The following MAP2 variants were observed in gnomAD, a reference collection of about 807,000 sequenced individuals.
The protein encoded by MAP2 is microtubule associated protein 2, also known as microtubule-associated protein 2.
MAP2 carries 14 observed loss-of-function variants against 137.6 expected under a neutral mutation model. The ratio of observed to expected loss-of-function variants is 0.10; its 90% CI spans 0.07 to 0.16. The LOEUF is 0.16. Ranked by LOEUF, MAP2 falls within the 10% of genes least tolerant of loss-of-function variation. MAP2 has a pLI of 1.00. For synonymous variants in MAP2, 786 were observed against 782.3 expected (o/e 1.00, Z -0.08); for missense variants, 2,088 against 2,191.5 (o/e 0.95, Z 0.94).
At chr2:209,618,170 G>A (rs1312435511) in intron 3 of MAP2, among the ~76,000 whole-genome samples, 1 of 151,974 alleles carries the variant, frequency 6.6e-6, no homozygotes, top group East Asian at 1.9e-4. Flanking sequence ...GTTAAATAAG[G>A]AGTTGAAAAA....
intron 1 of MAP2, among the ~76,000 whole-genome samples, chr2:209,441,178 T>TTGTATC (rs1697669216): frequency 6.6e-6 from 1 of 151,536 alleles, no homozygotes; most frequent in South Asian, 2.1e-4. Context: ...TTTACATTCT[T>TTGTATC]TGTAGATTAT....
chr2:209,524,833 A>G (rs559351840), intron 2 of MAP2, among the ~76,000 whole-genome samples: 1 of 152,204 alleles, frequency 6.6e-6, no homozygotes, highest in East Asian at 1.9e-4. Flanking sequence ...AAAAAAGTTA[A>G]TATCAATTTT....
At chr2:209,726,426 C>G (rs147021886) in intron 14 of MAP2, among the ~76,000 whole-genome samples, 83 of 152,212 alleles carry the variant, frequency 5.5e-4, no homozygotes, top group African/African-American at 2.0e-3. Flanking sequence ...TTATGAGTCA[C>G]TTTTTCTGAA....
At chr2:209,566,043 C>T (rs757438802) in intron 2 of MAP2, among the ~76,000 whole-genome samples, 1 of 152,206 alleles carries the variant, frequency 6.6e-6, no homozygotes, top group Non-Finnish European at 1.5e-5. Flanking sequence ...CATTCTCCCT[C>T]ACTCAGCGAC....
chr2:209,463,625 G>A (rs1384240404), intron 1 of MAP2, among the ~76,000 whole-genome samples: 1 of 152,152 alleles, frequency 6.6e-6, no homozygotes, highest in African/African-American at 2.4e-5. Flanking sequence ...AAAAATGTAT[G>A]TACTGAAAAT....
rs541880518 is a variant in MAP2 at position 209,467,795 on chromosome 2, C to A, written c.-221-39797C>A. Among the ~76,000 whole-genome samples, 20 of 152,250 alleles carry A rather than the reference C, an allele frequency of 1.3e-4. No homozygotes were observed. In the South Asian group the frequency reaches 4.2e-3, roughly 32 times the overall value. On this transcript the variant is annotated intron_variant, in intron 1 of 15. Coordinates refer to ENST00000682079, the MANE Select transcript of MAP2 (RefSeq NM_001375505.1). ...TCTCCACCACTTATTAGCCATAAGA[C>A]CATGTGCAATTTCTTAACATCCGTT...
chr2:209,579,376 G>A (rs974397365), intron 2 of MAP2: 1 of 152,142 alleles, frequency 6.6e-6, no homozygotes, highest in Admixed American at 6.6e-5. Context: ...CACTTGGATG[G>A]AGGCAATTAA....
chr2:209,473,689 T>C (rs896557976), intron 1 of MAP2, among the ~76,000 whole-genome samples: 2 of 152,050 alleles, frequency 1.3e-5, no homozygotes, highest in African/African-American at 4.8e-5. Context: ...ACAGGAATTA[T>C]TAATAGAGAT....
intron 3 of MAP2, among the ~76,000 whole-genome samples, chr2:209,613,287 C>A (rs1467236869): frequency 2.0e-5 from 3 of 151,062 alleles, no homozygotes; most frequent in African/African-American, 4.9e-5. Context: ...TTATTTTAAT[C>A]TGTTTTCTAT....
intron 3 of MAP2, among the ~76,000 whole-genome samples, chr2:209,593,635 AT>A (rs1414816418): frequency 0.048 from 1,144 of 23,940 alleles, 179 homozygotes; most frequent in African/African-American, 0.11. Flanking sequence ...AAAAAAAAAA[AT>A]ATATATATAT....
At chr2:209,713,870 A>C (rs1324649868) in intron 13 of MAP2, among the ~76,000 whole-genome samples, 3 of 152,166 alleles carry the variant, frequency 2.0e-5, no homozygotes, top group Non-Finnish European at 4.4e-5. Context: ...GTTTTTCTCC[A>C]TTGGCTTTAT....
At chr2:209,497,809 G>A (rs965159262) in intron 1 of MAP2, among the ~76,000 whole-genome samples, 3 of 152,102 alleles carry the variant, frequency 2.0e-5, no homozygotes, top group African/African-American at 7.2e-5. Flanking sequence ...CAAGCCATAA[G>A]GGATCACCTC....
At chr2:209,461,731 G>A (rs1702866318) in intron 1 of MAP2, among the ~76,000 whole-genome samples, 1 of 152,270 alleles carries the variant, frequency 6.6e-6, no homozygotes, top group Non-Finnish European at 1.5e-5. Context: ...TGACAGGTGT[G>A]AGCCACTGCA....
intron 4 of MAP2, among the ~76,000 whole-genome samples, chr2:209,634,168 T>C (rs1443289732): frequency 2.0e-5 from 3 of 152,170 alleles, no homozygotes; most frequent in East Asian, 1.9e-4. Context: ...CACAGGGTGT[T>C]CTAGTTGCTG....
chr2:209,730,118 G>A lies in MAP2; in HGVS notation c.5269-64G>A. 5 of 1,363,130 alleles carry A rather than the reference G, an allele frequency of 3.7e-6. No homozygotes were observed. The Middle Eastern group carries it at 5.5e-4, about 149-fold the overall frequency. The allele number at this position is 1,363,130 out of a possible 1,614,324, so 84.4% of individuals were successfully genotyped here. A position where few individuals can be genotyped will look rare whatever the true frequency, so the allele number is the denominator to read the frequency against. ...TCATTAATGTCAGCCCTGGGAGATG[G>A]AGAAAGAGGTAGGGGCCAGTTAAGA... On this transcript the variant is annotated intron_variant, in intron 15 of 15. Transcript: ENST00000682079.
At chr2:209,508,910 A>AT (rs529172447) in intron 2 of MAP2, among the ~76,000 whole-genome samples, 9 of 151,950 alleles carry the variant, frequency 5.9e-5, no homozygotes, top group African/African-American at 1.9e-4. Flanking sequence ...ATTTTTTAAG[A>AT]TTTTTTGAAT....
At chr2:209,521,017 A>C (rs1030860340) in intron 2 of MAP2, among the ~76,000 whole-genome samples, 2 of 152,034 alleles carry the variant, frequency 1.3e-5, no homozygotes, top group African/African-American at 4.8e-5. Flanking sequence ...TCTTCTTTTG[A>C]AAATCTCTCC....
chr2:209,695,434 A>C lies in MAP2; in HGVS notation c.3264A>C (p.Ala1088=), dbSNP rs2059946942. ...MTPSSKAPQE[A]DAFMGVESGH... ...CCTCATCCAAAGCACCGCAGGAGGC[A>C]GATGCATTTATGGGTGTTGAGTCTG... Residue 1088 remains alanine, a synonymous_variant, in exon 8 of 16, where the codon GCA becomes GCC. Coordinates refer to ENST00000682079, the MANE Select transcript of MAP2 (RefSeq NM_001375505.1). 6.2e-7 allele frequency: 1 copy of C among 1,613,624 alleles called. No individual in the cohort carries two copies. Among genetic ancestry groups the C allele is most frequent in the African/African-American group, 1.3e-5 (1 of 74,916 alleles).
At chr2:209,459,515 G>A (rs1702273626) in intron 1 of MAP2, among the ~76,000 whole-genome samples, 1 of 152,148 alleles carries the variant, frequency 6.6e-6, no homozygotes, top group African/African-American at 2.4e-5. Context: ...CTCTAAGTCT[G>A]TCTCAGCAGT....
Sources: allele counts gnomAD v4.1 joint callset (sites outside exome capture counted in the v4.1 genomes callset), GRCh38; gene constraint gnomAD v4.1.1; transcripts MANE v1.5; gene names NCBI Gene and HGNC (gene_info 2026-07-23, HGNC 2026-07-21).